Variants in ROBO2 observed in about 807,000 individuals in gnomAD.
The protein encoded by ROBO2 is roundabout homolog 2.
Under a neutral mutation model 160.8 loss-of-function variants are expected in ROBO2, and 53 were observed. The observed-to-expected ratio is 0.33, with a 90% CI of 0.26 to 0.41. The LOEUF (loss-of-function observed/expected upper bound fraction) is 0.41. ROBO2 is among the 10% of genes least tolerant of loss of function. The pLI is 1.00. For synonymous variants in ROBO2, 664 were observed against 611.7 expected (o/e 1.09, Z -1.26); for missense variants, 1,577 against 1,722.4 (o/e 0.92, Z 1.49).
At chr3:76,023,177 C>G (rs2066625491) in intron 2 of ROBO2, among the ~76,000 whole-genome samples, 1 of 151,626 alleles carries the variant, frequency 6.6e-6, no homozygotes, top group Non-Finnish European at 1.5e-5. Flanking sequence ...ATTTTCTATC[C>G]AGACTAATAA....
intron 2 of ROBO2, among the ~76,000 whole-genome samples, chr3:76,443,403 A>T (rs1352640795): frequency 6.6e-6 from 1 of 152,116 alleles, no homozygotes; most frequent in Non-Finnish European, 1.5e-5. Context: ...GCATCCACTG[A>T]GAGTCTTGCG....
intron 2 of ROBO2, among the ~76,000 whole-genome samples, chr3:76,931,560 C>CACAT (rs2077344889): frequency 6.6e-6 from 1 of 151,948 alleles, no homozygotes; most frequent in African/African-American, 2.4e-5. Context: ...GACACATACA[C>CACAT]ACACACACAC....
chr3:76,239,072 A>T (rs1705133794), intron 2 of ROBO2, among the ~76,000 whole-genome samples: 1 of 152,172 alleles, frequency 6.6e-6, no homozygotes, highest in African/African-American at 2.4e-5. Flanking sequence ...TATTTACATT[A>T]ATCTATGTTT....
At chr3:77,342,523 T>C (rs1485914979) in intron 2 of ROBO2, among the ~76,000 whole-genome samples, 2 of 152,172 alleles carry the variant, frequency 1.3e-5, no homozygotes, top group African/African-American at 4.8e-5. Flanking sequence ...AACTTATATG[T>C]CTACCTGAAG....
At chr3:77,328,955 A>T (rs934665145) in intron 2 of ROBO2, among the ~76,000 whole-genome samples, 4 of 152,216 alleles carry the variant, frequency 2.6e-5, no homozygotes, top group Non-Finnish European at 4.4e-5. Flanking sequence ...TAATCACAGG[A>T]ACAATGCTGG....
chr3:76,859,438 T>A (rs1303510791), intron 2 of ROBO2, among the ~76,000 whole-genome samples: 1 of 152,162 alleles, frequency 6.6e-6, no homozygotes, highest in Non-Finnish European at 1.5e-5. Context: ...TGCTCTGGGC[T>A]TACTAGCAGG....
intron 2 of ROBO2, among the ~76,000 whole-genome samples, chr3:76,805,493 A>G (rs1209752847): frequency 1.3e-5 from 2 of 151,424 alleles, no homozygotes; most frequent in Admixed American, 6.6e-5. Context: ...TTCCCCCCAT[A>G]TATATATATA....
intron 2 of ROBO2, among the ~76,000 whole-genome samples, chr3:76,796,578 TGAC>T (rs2063718916): frequency 6.6e-6 from 1 of 151,658 alleles, no homozygotes; most frequent in East Asian, 1.9e-4. Context: ...AATAATAAAA[TGAC>T]AATAATAAGC....
chr3:76,833,913 CT>C (rs944498075), intron 2 of ROBO2, among the ~76,000 whole-genome samples: 1 of 151,700 alleles, frequency 6.6e-6, no homozygotes, highest in Admixed American at 6.6e-5. Context: ...CATGCTCAGA[CT>C]TTTTTTTCTT....
chr3:75,932,075 C>A (rs1231978226), intron 1 of ROBO2, among the ~76,000 whole-genome samples: 1 of 152,070 alleles, frequency 6.6e-6, no homozygotes, highest in African/African-American at 2.4e-5. Context: ...GGCTGGAGAT[C>A]TGGCTTAACT....
At chr3:77,040,601 A>G (rs2149608779) in exon 1 of ROBO2, 1 of 1,455,412 alleles carries the variant, frequency 6.9e-7, no homozygotes, top group East Asian at 2.5e-5. Context: ...GATGGATCTC[A>G]GTGTGCCCCG....
At chr3:77,216,613 G>C (rs1462082496) in intron 2 of ROBO2, among the ~76,000 whole-genome samples, 1 of 152,142 alleles carries the variant, frequency 6.6e-6, no homozygotes, top group Non-Finnish European at 1.5e-5. Context: ...TCCCCAGTGA[G>C]ATGAACCCGG....
intron 2 of ROBO2, among the ~76,000 whole-genome samples, chr3:76,435,737 T>A (rs2076645378): frequency 6.6e-6 from 1 of 152,138 alleles, no homozygotes; most frequent in African/African-American, 2.4e-5. Context: ...GGGGTTATTC[T>A]ACCAACAAAC....
chr3:76,268,950 G>A (rs1406557196), intron 2 of ROBO2, among the ~76,000 whole-genome samples: 2 of 152,086 alleles, frequency 1.3e-5, no homozygotes, highest in African/African-American at 2.4e-5. Flanking sequence ...GTAGCCATTT[G>A]TTGGCAGTAA....
chr3:76,639,464 T>TCACACA (rs34047566), intron 2 of ROBO2, among the ~76,000 whole-genome samples: 131 of 149,206 alleles, frequency 8.8e-4, no homozygotes, highest in African/African-American at 3.1e-3. Context: ...CTACACTCTC[T>TCACACA]CACACACACA....
chr3:76,361,248 T>G (rs1179799334), intron 2 of ROBO2, among the ~76,000 whole-genome samples: 1 of 152,112 alleles, frequency 6.6e-6, no homozygotes, highest in Non-Finnish European at 1.5e-5. Flanking sequence ...AGCCTCTGGC[T>G]TGAGCAACAC....
chr3:76,447,323 A>G (rs2077237434), intron 2 of ROBO2, among the ~76,000 whole-genome samples: 1 of 152,148 alleles, frequency 6.6e-6, no homozygotes, highest in African/African-American at 2.4e-5. Context: ...AGAGAAATGC[A>G]AATCAAAACC....
chr3:76,498,745 C>T (rs2107614697), intron 2 of ROBO2, among the ~76,000 whole-genome samples: 1 of 148,120 alleles, frequency 6.8e-6, no homozygotes, highest in African/African-American at 2.5e-5. Context: ...GGCAGTGGCA[C>T]AATCTCGACT....
intron 6 of ROBO2, 40 bp downstream of exon 7, chr3:77,527,454 A>G: frequency 7.9e-7 from 1 of 1,265,604 alleles, no homozygotes; most frequent in Non-Finnish European, 1.0e-6. Context: ...ATGGCTTTGC[A>G]CAGTGCTTCA....
Sources: allele counts gnomAD v4.1 joint callset (sites outside exome capture counted in the v4.1 genomes callset), GRCh38; gene constraint gnomAD v4.1.1; transcripts MANE v1.5; gene names NCBI Gene and HGNC (gene_info 2026-07-23, HGNC 2026-07-21).